Variants in COL6A5 observed in about 807,000 individuals in gnomAD.
COL6A5 encodes collagen alpha-5(VI) chain.
In COL6A5, 48 loss-of-function variants were observed where a neutral mutation model predicts 65.6. The observed-to-expected ratio is 0.73, with a 90% CI of 0.58 to 0.93. The LOEUF (loss-of-function observed/expected upper bound fraction) is 0.93. Among genes scored for constraint, COL6A5 ranks in the 40% least tolerant of loss-of-function variants. The pLI is 0.00. For missense variants in COL6A5, 914 were observed against 928.3 expected (o/e 0.98, Z 0.20); for synonymous variants, 291 against 322.8 (o/e 0.90, Z 1.05).
rs556651819 is a variant in COL6A5 at position 130,448,800 on chromosome 3, G to A, written c.1332+5234G>A. 5.3e-5 allele frequency among the ~76,000 whole-genome samples: 8 copies of A among 152,276 alleles called. No individual in the cohort carries two copies. The South Asian group carries it at 1.7e-3, about 32-fold the overall frequency. On this transcript the variant is annotated intron_variant, in intron 4 of 7. Transcript: ENST00000512836. ...AGGAAGTACTTTCCATTGATAACGA[G>A]CTGCAGGCTCCTGATTATTGATAGA... is the stretch of plus-strand genomic sequence containing the variant.
In COL6A5 at chr3:130,398,128, G is replaced by GTTTTTTTTT. The variant is rs35177024; in HGVS notation, c.3991+29_3991+37dup. 8.0e-5 allele frequency: 73 copies of GTTTTTTTTT among 907,130 alleles called. 1 individual carries two copies. The highest frequency in any genetic ancestry group is 1.3e-4 in the African/African-American group (6 of 44,846). The allele number at this position is 907,130 out of a possible 1,614,324, so 56.2% of individuals were successfully genotyped here. ...GAGAAGCAGGTATTGAGTTGTTGTT[G>GTTTTTTTTT]TTTTTTTTTTTTTTTTTTTTGAGAT... On this transcript the variant is annotated intron_variant and NMD_transcript_variant, in intron 10 of 41. Coordinates refer to the COL6A5 transcript ENST00000312481.
At chr3:130,435,687 C>T (rs776977065) in intron 1 of COL6A5, among the ~76,000 whole-genome samples, 2 of 152,076 alleles carry the variant, frequency 1.3e-5, no homozygotes, top group African/African-American at 2.4e-5. Context: ...ATTGTATTCT[C>T]TTTGTGGTGA....
chr3:130,376,392 A>G (rs759576849), exon 3 of COL6A5: 4 of 1,613,626 alleles, frequency 2.5e-6, no homozygotes, highest in South Asian at 1.1e-5. Context: ...GGCCCAGTAC[A>G]GCGACGAGTT....
At chr3:130,421,085 C>T (rs1937508519) in intron 25 of COL6A5, 68 bp from the exon 26 acceptor site, 4 of 1,399,952 alleles carry the variant, frequency 2.9e-6, no homozygotes, top group East Asian at 2.5e-5. Context: ...ACACTGTAAT[C>T]TCCCCAGTAT....
At chr3:130,373,644 G>A (rs772267370) in exon 2 of COL6A5, 74 of 1,530,058 alleles carry the variant, frequency 4.8e-5, no homozygotes, top group Middle Eastern at 3.4e-4. Flanking sequence ...ACAAAATGAA[G>A]ATCTTGCTAA....
intron 2 of COL6A5, among the ~76,000 whole-genome samples, chr3:130,374,010 C>T (rs1322652705): frequency 6.6e-6 from 1 of 152,122 alleles, no homozygotes; most frequent in Non-Finnish European, 1.5e-5. Flanking sequence ...GAATCTTGAT[C>T]TCATAAATGA....
intron 5 of COL6A5, among the ~76,000 whole-genome samples, chr3:130,465,071 T>C (rs1377763175): frequency 6.6e-6 from 1 of 152,044 alleles, no homozygotes; most frequent in Non-Finnish European, 1.5e-5. Flanking sequence ...GGAAATGAAA[T>C]ACAGTAATCT....
At chr3:130,409,047 A>C (rs1223941836) in intron 17 of COL6A5, among the ~76,000 whole-genome samples, 1 of 152,202 alleles carries the variant, frequency 6.6e-6, no homozygotes, top group Non-Finnish European at 1.5e-5. Flanking sequence ...GTATTGATGA[A>C]TGCAGATATA....
At chr3:130,370,562 A>G (rs1283615959) in intron 1 of COL6A5, among the ~76,000 whole-genome samples, 1 of 152,220 alleles carries the variant, frequency 6.6e-6, no homozygotes, top group Non-Finnish European at 1.5e-5. Context: ...AAGGGAATTA[A>G]AATAAGCTTA....
intron 1 of COL6A5, among the ~76,000 whole-genome samples, chr3:130,367,733 T>C (rs1331588935): frequency 1.3e-5 from 2 of 152,198 alleles, no homozygotes; most frequent in African/African-American, 4.8e-5. Flanking sequence ...CATGCATACA[T>C]ATGTGTGGAT....
chr3:130,469,950 C>T (rs1709908643), intron 6 of COL6A5, among the ~76,000 whole-genome samples: 2 of 152,054 alleles, frequency 1.3e-5, no homozygotes, highest in South Asian at 2.1e-4. Flanking sequence ...TAGTAAATCA[C>T]ACTTTAATTA....
chr3:130,437,215 A>G (rs184455351), intron 1 of COL6A5, among the ~76,000 whole-genome samples: 39 of 152,276 alleles, frequency 2.6e-4, no homozygotes, highest in Admixed American at 3.9e-4. Flanking sequence ...ATGTACATAT[A>G]TACACTAAAG....
chr3:130,442,775 A>G (rs951830917), intron 3 of COL6A5, among the ~76,000 whole-genome samples: 11 of 152,240 alleles, frequency 7.2e-5, no homozygotes, highest in African/African-American at 1.9e-4. Flanking sequence ...AAGAAATAGA[A>G]AAAAGGAAAG....
At chr3:130,429,822 C>G (rs115852266), upstream of COL6A5, among the ~76,000 whole-genome samples, 524 of 152,294 alleles carry the variant, frequency 3.4e-3, 3 homozygotes, top group African/African-American at 0.012. Flanking sequence ...CAGTTTCTCC[C>G]CAGTGCTGGC....
chr3:130,466,051 G>A (rs1709807748), intron 5 of COL6A5, among the ~76,000 whole-genome samples: 1 of 152,028 alleles, frequency 6.6e-6, no homozygotes, highest in South Asian at 2.1e-4. Context: ...GTTAGTTTCA[G>A]GATCTTCTCC....
Position 130,405,577 on chromosome 3 carries a change from CCTTTT to C in COL6A5, c.4282-7_4282-3del, listed in dbSNP as rs1358670960. 7 of 1,549,306 alleles carry C rather than the reference CCTTTT, an allele frequency of 4.5e-6. No individual in the cohort carries two copies. The highest frequency in any genetic ancestry group is 6.1e-6 in the Non-Finnish European group (7 of 1,145,180). On this transcript the variant is annotated splice_polypyrimidine_tract_variant and splice_region_variant and intron_variant and NMD_transcript_variant, in intron 13 of 41. Coordinates refer to the COL6A5 transcript ENST00000312481. Reference sequence around the variant, plus strand: ...ATCACTTTGGGTACCTGTCTGTGCTCCTTTTCTTAGGGAGTACGAGGAGACACAGG... The same window carrying C: ...ATCACTTTGGGTACCTGTCTGTGCTCCTTAGGGAGTACGAGGAGACACAGG...
exon 1 of COL6A5, chr3:130,431,934 C>T (rs1486665456): frequency 1.9e-6 from 3 of 1,549,318 alleles, no homozygotes; most frequent in Non-Finnish European, 2.6e-6. Flanking sequence ...AGAGAGTTTT[C>T]CTTGAAGCTT....
intron 7 of COL6A5, among the ~76,000 whole-genome samples, chr3:130,473,561 G>A (rs987225397): frequency 6.6e-6 from 1 of 151,990 alleles, no homozygotes; most frequent in Non-Finnish European, 1.5e-5. Context: ...AAAAGAGTCA[G>A]GGTCATGATT....
At chr3:130,403,728 C>A (rs904539539) in intron 13 of COL6A5, 66 bp downstream of exon 13, 26 of 1,071,010 alleles carry the variant, frequency 2.4e-5, no homozygotes, top group Non-Finnish European at 3.2e-5. Context: ...CACACACACA[C>A]AAACACACAC....
Sources: gnomAD v4.1 joint callset for allele counts (sites outside exome capture counted in the v4.1 genomes callset) on GRCh38, gnomAD v4.1.1 for gene constraint, MANE v1.5 for transcripts, NCBI Gene and HGNC (gene_info 2026-07-23, HGNC 2026-07-21) for gene names.